Variants in SIK3 observed in about 807,000 individuals in gnomAD.
SIK3 encodes the protein SIK family kinase 3, also known as serine/threonine-protein kinase SIK3.
SIK3 carries 28 observed loss-of-function variants against 144.2 expected under a neutral mutation model. The ratio of observed to expected loss-of-function variants is 0.19; its 90% confidence interval spans 0.14 to 0.27. The LOEUF is 0.27. Among genes scored for constraint, SIK3 ranks in the 10% least tolerant of loss-of-function variants. SIK3 has a pLI of 1.00. For missense variants in SIK3, 1,319 were observed against 1,776.0 expected (o/e 0.74, Z 4.62); for synonymous variants, 686 against 676.3 (o/e 1.01, Z -0.22).
At chr11:117,071,415 G>C (rs545292314) in intron 1 of SIK3, among the ~76,000 whole-genome samples, 56 of 151,838 alleles carry the variant, frequency 3.7e-4, no homozygotes, top group African/African-American at 1.3e-3. Context: ...TTGAAGGCAG[G>C]GCAGACTAGA....
intron 21 of SIK3, among the ~76,000 whole-genome samples, chr11:116,850,379 T>C (rs1434909006): frequency 6.6e-6 from 1 of 152,218 alleles, no homozygotes; most frequent in East Asian, 1.9e-4. Context: ...ATTCTATGCA[T>C]TTGCCCTCAC....
chr11:117,023,621 A>AAAAAAAATATATATAT (rs754624841), intron 1 of SIK3, among the ~76,000 whole-genome samples: 9 of 95,394 alleles, frequency 9.4e-5, no homozygotes, highest in African/African-American at 3.9e-4. Context: ...AAAAAAAAAA[A>AAAAAAAATATATATAT]ATATATATAT....
At chr11:116,911,282 T>C (rs1286133679) in intron 4 of SIK3, among the ~76,000 whole-genome samples, 1 of 152,080 alleles carries the variant, frequency 6.6e-6, no homozygotes, top group Non-Finnish European at 1.5e-5. Context: ...CCGAGGCAGG[T>C]GGATCACCTG....
At chr11:116,971,113 G>A (rs1405818301) in intron 1 of SIK3, among the ~76,000 whole-genome samples, 1 of 152,142 alleles carries the variant, frequency 6.6e-6, no homozygotes, top group Non-Finnish European at 1.5e-5. Context: ...AAAAGCCTTG[G>A]CATTTGCTAA....
intron 1 of SIK3, among the ~76,000 whole-genome samples, chr11:116,992,211 G>C (rs528389379): frequency 3.7e-4 from 56 of 151,428 alleles, no homozygotes; most frequent in African/African-American, 1.3e-3. Context: ...TATAATCCCA[G>C]CTACTCAGGA....
chr11:116,937,502 T>C (rs1030964080), intron 3 of SIK3, among the ~76,000 whole-genome samples: 2 of 152,220 alleles, frequency 1.3e-5, no homozygotes, highest in African/African-American at 4.8e-5. Context: ...AAGTTAAAAG[T>C]ATTCTGCTAG....
intron 1 of SIK3, among the ~76,000 whole-genome samples, chr11:117,049,550 C>T (rs889126058): frequency 6.6e-6 from 1 of 151,896 alleles, no homozygotes; most frequent in Non-Finnish European, 1.5e-5. Context: ...TGCATACCAG[C>T]CTAGGTGACA....
chr11:116,881,288 C>T (rs1411551227), intron 6 of SIK3, among the ~76,000 whole-genome samples: 1 of 152,138 alleles, frequency 6.6e-6, no homozygotes, highest in Non-Finnish European at 1.5e-5. Context: ...AGCAGCTTCC[C>T]TTCAGAGCTG....
intron 1 of SIK3, among the ~76,000 whole-genome samples, chr11:116,968,381 A>T (rs1445669395): frequency 6.6e-6 from 1 of 152,170 alleles, no homozygotes; most frequent in Non-Finnish European, 1.5e-5. Flanking sequence ...TAACCTTGTG[A>T]TCCACACACC....
rs781483192 is a variant in SIK3, at chr11:116,857,916, G to A, written c.3549C>T (p.Asp1183=). Residue 1183 remains aspartate, a synonymous_variant, in exon 21 of 25, where the codon GAC becomes GAT. Coordinates refer to ENST00000445177, the MANE Select transcript of SIK3 (RefSeq NM_001366686.3). ...TCACAGTTCCTAGCAAAGATTCAGG[G>A]TCCCCAGGTCCACCGGTACTCAAGA... The part of the protein sequence containing the change: ...PLLLSTGGPG[D]PESLLGTVSH... 2 of 1,614,144 alleles carry A rather than the reference G, an allele frequency of 1.2e-6. No homozygotes were observed. Among genetic ancestry groups the A allele is most frequent in the Non-Finnish European group, 1.7e-6 (2 of 1,180,032 alleles).
intron 4 of SIK3, among the ~76,000 whole-genome samples, chr11:116,900,137 G>A (rs1172476836): frequency 6.6e-6 from 1 of 152,118 alleles, no homozygotes; most frequent in Non-Finnish European, 1.5e-5. Flanking sequence ...TGCTTGGGAA[G>A]AAACACCTCA....
intron 3 of SIK3, among the ~76,000 whole-genome samples, chr11:116,945,559 T>C (rs1033603419): frequency 1.3e-5 from 2 of 152,026 alleles, no homozygotes; most frequent in African/African-American, 2.4e-5. Flanking sequence ...TCAGTCATCC[T>C]GGTCTCACTT....
intron 2 of SIK3, 102 bp from the exon 3 acceptor site, chr11:116,954,209 C>T (rs2135388580): frequency 3.6e-6 from 3 of 844,902 alleles, no homozygotes; most frequent in East Asian, 2.7e-5. Context: ...ATATTAATAA[C>T]CACTATAGAT....
chr11:116,889,149 T>C (rs570464977), intron 6 of SIK3, among the ~76,000 whole-genome samples: 1 of 152,370 alleles, frequency 6.6e-6, no homozygotes, highest in African/African-American at 2.4e-5. Flanking sequence ...CTGTGTGGCT[T>C]TGGCAAGTTA....
intron 1 of SIK3, among the ~76,000 whole-genome samples, chr11:117,056,025 A>G (rs536390708): frequency 6.6e-6 from 1 of 152,336 alleles, no homozygotes; most frequent in East Asian, 1.9e-4. Flanking sequence ...GCACAAAAGA[A>G]CTGACAGCAA....
chr11:116,891,661 TA>T (rs35390490), intron 6 of SIK3, among the ~76,000 whole-genome samples: 1 of 146,406 alleles, frequency 6.8e-6, no homozygotes, highest in South Asian at 2.4e-4. Flanking sequence ...TGTGTTTAAG[TA>T]AGAGAGAGAG....
chr11:116,881,140 T>A (rs965720490), intron 6 of SIK3, among the ~76,000 whole-genome samples: 4 of 151,444 alleles, frequency 2.6e-5, no homozygotes, highest in Non-Finnish European at 4.4e-5. Context: ...AATAAATAAA[T>A]AAAATAAATA....
At chr11:116,945,384 T>TC (rs1555106749) in intron 3 of SIK3, among the ~76,000 whole-genome samples, 5 of 143,788 alleles carry the variant, frequency 3.5e-5, no homozygotes, top group Admixed American at 3.4e-4. Flanking sequence ...TGAATTCTTT[T>TC]TTTTTTTTTT....
At chr11:116,964,287 C>T (rs925907023) in intron 1 of SIK3, among the ~76,000 whole-genome samples, 2 of 152,208 alleles carry the variant, frequency 1.3e-5, no homozygotes, top group African/African-American at 4.8e-5. Context: ...ACGCAACAGC[C>T]ACCACACCTG....
Sources: allele counts gnomAD v4.1 joint callset (sites outside exome capture counted in the v4.1 genomes callset), GRCh38; gene constraint gnomAD v4.1.1; transcripts MANE v1.5; gene names NCBI Gene and HGNC (gene_info 2026-07-23, HGNC 2026-07-21).